FAM53A: variants seen among roughly 807,000 people sequenced by gnomAD.
FAM53A encodes family with sequence similarity 53 member A.
A neutral mutation model predicts 26.6 loss-of-function variants in FAM53A; 28 were observed. That is an observed-to-expected ratio of 1.05 (90% CI 0.78 to 1.45). The LOEUF (loss-of-function observed/expected upper bound fraction) is 1.45. FAM53A is among the 40% of genes most tolerant of loss of function. The pLI, the probability that FAM53A is intolerant of heterozygous loss-of-function variation, is 0.00. For synonymous variants in FAM53A, 290 were observed against 253.1 expected (o/e 1.15, Z -1.38); for missense variants, 650 against 575.8 (o/e 1.13, Z -1.32).
chr4:1,665,965 T>C (rs557939125), intron 2 of FAM53A, among the ~76,000 whole-genome samples: 54 of 96,082 alleles, frequency 5.6e-4, no homozygotes, highest in Non-Finnish European at 8.5e-4. Flanking sequence ...TGCACCCCCA[T>C]ATCTAAAATA....
intron 2 of FAM53A, among the ~76,000 whole-genome samples, 155 bp downstream of exon 2, chr4:1,668,512 G>A (rs1052394546): frequency 4.6e-5 from 7 of 152,046 alleles, no homozygotes; most frequent in Non-Finnish European, 8.8e-5. Context: ...TGGGCTCTGG[G>A]GCCCACATGT....
rs141559252 is a variant in FAM53A at position 1,618,761 on chromosome 4, C to T, written c.432-650G>A. 5.1e-3 allele frequency among the ~76,000 whole-genome samples: 773 copies of T among 152,300 alleles called. 5 individuals are homozygous for T. The highest frequency in any genetic ancestry group is 0.013 in the African/African-American group (523 of 41,564). On this transcript the variant is annotated intron_variant, in intron 1 of 1. Transcript: ENST00000489029. ...GGACCCAGCCACAGAACCAGCCATG[C>T]GGGCCTGTGTGCAACCCCAGCACCA...
chr4:1,596,736 G>A, the FAM53A span, among the ~76,000 whole-genome samples: 1 of 152,196 alleles, frequency 6.6e-6, no homozygotes. Flanking sequence ...ATTCCCAACT[G>A]TACTTCTCCC....
At chr4:1,653,440 G>A (rs190238593) in intron 4 of FAM53A, among the ~76,000 whole-genome samples, 4 of 152,188 alleles carry the variant, frequency 2.6e-5, no homozygotes, top group East Asian at 1.9e-4. Context: ...ATCATTCCCC[G>A]CCCCACAACG....
downstream of FAM53A, among the ~76,000 whole-genome samples, chr4:1,638,412 G>A (rs1164189210): frequency 2.6e-5 from 4 of 152,080 alleles, no homozygotes; most frequent in South Asian, 4.1e-4. Context: ...CGGCTGCACT[G>A]CCCCACCGAG....
the FAM53A span, among the ~76,000 whole-genome samples, chr4:1,612,219 AC>A: frequency 6.6e-6 from 1 of 152,206 alleles, no homozygotes; most frequent in Non-Finnish European, 1.5e-5. Context: ...TATGTTTTAT[AC>A]TGAACCATAA....
chr4:1,647,738 T>G (rs1712373477), intron 4 of FAM53A, among the ~76,000 whole-genome samples: 1 of 151,868 alleles, frequency 6.6e-6, no homozygotes. Context: ...TGCACATGAG[T>G]GGGAGTGTGC....
At chr4:1,633,032 T>G (rs28446930) in intron 1 of FAM53A, among the ~76,000 whole-genome samples, 6 of 133,728 alleles carry the variant, frequency 4.5e-5, no homozygotes, top group African/African-American at 2.3e-4. Context: ...ACGCTCATGC[T>G]CACACGCATA....
chr4:1,576,821 A>G, the FAM53A span, among the ~76,000 whole-genome samples: 23 of 152,210 alleles, frequency 1.5e-4, no homozygotes, highest in African/African-American at 5.1e-4. Context: ...AAGCCCGGAG[A>G]GTTGGGCCTA....
intron 1 of FAM53A, among the ~76,000 whole-genome samples, chr4:1,623,695 C>T (rs916991804): frequency 3.3e-5 from 5 of 152,268 alleles, no homozygotes; most frequent in Non-Finnish European, 1.5e-5. Flanking sequence ...CGCGCGATGC[C>T]AGCCATAACT....
chr4:1,644,426 C>T, intron 4 of FAM53A: 1 of 1,480,546 alleles, frequency 6.8e-7, no homozygotes. Flanking sequence ...ACAGACACGG[C>T]AGCTGTACAG....
At chr4:1,635,912 C>T (rs1243735475), downstream of FAM53A, among the ~76,000 whole-genome samples, 6 of 141,642 alleles carry the variant, frequency 4.2e-5, no homozygotes, top group Admixed American at 7.5e-5. Flanking sequence ...GGCGCGATCT[C>T]GGCTCACTGC....
At chr4:1,582,354 G>A in the FAM53A span, among the ~76,000 whole-genome samples, 5 of 152,164 alleles carry the variant, frequency 3.3e-5, no homozygotes, top group East Asian at 1.9e-4. Flanking sequence ...CCAGCTGAAC[G>A]ACACTCCCCT....
intron 4 of FAM53A, among the ~76,000 whole-genome samples, chr4:1,647,838 A>C (rs1043069991): frequency 1.2e-4 from 19 of 152,206 alleles, no homozygotes; most frequent in Non-Finnish European, 2.9e-5. Context: ...GTCCGGTAAC[A>C]CACAATTATA....
chr4:1,585,329 CTGGA>C, the FAM53A span, among the ~76,000 whole-genome samples: 143,769 of 144,926 alleles, frequency 0.99, 71,313 homozygotes, highest in East Asian at 1. Context: ...GTCACTCAGG[CTGGA>C]TGGAGTACAG....
At chr4:1,579,079 C>T in the FAM53A span, among the ~76,000 whole-genome samples, 1 of 150,958 alleles carries the variant, frequency 6.6e-6, no homozygotes, top group Non-Finnish European at 1.5e-5. Flanking sequence ...GAATCGAGGT[C>T]CCCTTCCCAG....
chr4:1,597,139 C>T, the FAM53A span, among the ~76,000 whole-genome samples: 1 of 152,164 alleles, frequency 6.6e-6, no homozygotes, highest in Non-Finnish European at 1.5e-5. Flanking sequence ...GGCCTGGGCT[C>T]CCCAGACACC....
chr4:1,668,263 C>T (rs1287488673), intron 2 of FAM53A, among the ~76,000 whole-genome samples: 1 of 152,112 alleles, frequency 6.6e-6, no homozygotes, highest in African/African-American at 2.4e-5. Flanking sequence ...CCTCAGCCTC[C>T]CGAGCAGCTG....
intron 1 of FAM53A, among the ~76,000 whole-genome samples, chr4:1,680,916 C>T (rs1014600710): frequency 3.9e-5 from 6 of 152,172 alleles, no homozygotes; most frequent in Non-Finnish European, 8.8e-5. Flanking sequence ...GGTCATTACA[C>T]ATTTGTCTAA....
Sources: gnomAD v4.1 joint callset for allele counts (sites outside exome capture counted in the v4.1 genomes callset) on GRCh38, gnomAD v4.1.1 for gene constraint, MANE v1.5 for transcripts, NCBI Gene and HGNC (gene_info 2026-07-23, HGNC 2026-07-21) for gene names.